Variants in ADCY3 observed in about 807,000 individuals in gnomAD.
The protein encoded by ADCY3 is adenylate cyclase type 3.
A neutral mutation model predicts 119.4 loss-of-function variants in ADCY3; 70 were observed. The ratio of observed to expected loss-of-function variants is 0.59; its 90% CI spans 0.48 to 0.72. The LOEUF is 0.72. Among genes scored for constraint, ADCY3 ranks in the 30% least tolerant of loss-of-function variants. ADCY3 has a pLI of 0.00. For synonymous variants in ADCY3, 672 were observed against 621.4 expected, an observed-to-expected ratio of 1.08 and a Z score of -1.21; for missense variants, 1,238 against 1,541.6, an observed-to-expected ratio of 0.80 and a Z score of 3.30.
Position 24,918,418 on chromosome 2 carries a change from G to A in ADCY3, c.570C>T (p.Ile190=), listed in dbSNP as rs74619519. 1.4e-5 allele frequency: 22 copies of A among 1,613,998 alleles called. No homozygotes were observed. The highest frequency in any genetic ancestry group is 4.5e-5 in the East Asian group (2 of 44,876). Reference sequence around the variant, plus strand: ...CACAGGAGACCACGGAGATGATCACGATGGGGCTGAGGCTGAGGGGCAGCG... The same window carrying A: ...CACAGGAGACCACGGAGATGATCACAATGGGGCTGAGGCTGAGGGGCAGCG... ...FITLPLSLSP[I]VIISVVSCVV... is the part of the protein sequence containing the mutation. Residue 190 remains isoleucine (I), a synonymous_variant, in exon 2 of 22, where the codon ATC becomes ATT. Coordinates refer to ENST00000679454, the MANE Select transcript of ADCY3 (RefSeq NM_004036.5). The surrounding 1 kb of genome is among the most constrained non-coding windows in gnomAD (Gnocchi z 5.4).
rs754364449 is a variant in ADCY3, at chr2:24,872,736, A to G, written c.676-17T>C. ...GGCCAGGATCTGCACCCCAAGGAAG[A>G]AGAGAGAAAAGGCCAGGGGTGAAGG... On this transcript the variant is annotated splice_polypyrimidine_tract_variant and intron_variant, in intron 2 of 21. Coordinates refer to ENST00000679454, the MANE Select transcript of ADCY3 (RefSeq NM_004036.5). The surrounding 1 kb of genome is among the most constrained non-coding windows in gnomAD (Gnocchi z 4.4). 1.6e-5 allele frequency: 25 copies of G among 1,610,918 alleles called. No individual in the cohort carries two copies. Among genetic ancestry groups the G allele is most frequent in the African/African-American group, 6.7e-5 (5 of 74,866 alleles).
Position 24,834,286 on chromosome 2 carries a change from G to A in ADCY3, c.1967+199C>T, listed in dbSNP as rs909809006. On this transcript the variant is annotated intron_variant, in intron 11 of 21. Coordinates refer to ENST00000679454, the MANE Select transcript of ADCY3 (RefSeq NM_004036.5). This position sits in a 1 kb window ranked among gnomAD's most constrained non-coding sequence, Gnocchi z 4.2. The stretch of plus-strand genomic sequence containing the variant: ...TCTGACGCTAGGACTGCTCCAAAAC[G>A]CGGGGCAGGGAAAAGGAAGGATGCC... 6.6e-6 allele frequency among the ~76,000 whole-genome samples: 1 copy of A among 152,190 alleles called. No homozygotes were observed. Among genetic ancestry groups the A allele is most frequent in the Non-Finnish European group, 1.5e-5 (1 of 68,024 alleles).
chr2:24,902,184 G>A (rs141265377), intron 2 of ADCY3, among the ~76,000 whole-genome samples: 2,175 of 150,916 alleles, frequency 0.014, 25 homozygotes, highest in Non-Finnish European at 0.02. Context: ...GGGCTCAAGC[G>A]ATCCTCCTGC....
rs571952188 is a variant in ADCY3 at position 24,884,561 on chromosome 2, C to T, written c.676-11842G>A. ...TGCAATCTCAGCTCACTGCAACCTCCGCCTCCCAGGTTCAAGCGATTCTTC... is the reference window on the plus strand; with the variant it reads ...TGCAATCTCAGCTCACTGCAACCTCTGCCTCCCAGGTTCAAGCGATTCTTC... On this transcript the variant is annotated intron_variant, in intron 2 of 21. Transcript: ENST00000679454. Among the ~76,000 whole-genome samples, 6 of 149,488 alleles carry T rather than the reference C, an allele frequency of 4.0e-5. No homozygotes were observed. In the East Asian group the frequency reaches 5.8e-4, roughly 15 times the overall value.
In ADCY3 at chr2:24,841,495, G is replaced by C; in HGVS notation, c.1068+61C>G. 1.3e-6 allele frequency: 2 copies of C among 1,592,186 alleles called. No individual in the cohort carries two copies. The highest frequency in any genetic ancestry group is 4.5e-5 in the East Asian group (2 of 44,370). On this transcript the variant is annotated intron_variant, in intron 5 of 21. Transcript: ENST00000679454. The surrounding 1 kb of genome is among the most constrained non-coding windows in gnomAD (Gnocchi z 5.8). ...AGAAAATCATGGGGCCGGGGATGGGGGCCAGGCAGAGGCCATGAGGGCAGG... is the reference window on the plus strand; with the variant it reads ...AGAAAATCATGGGGCCGGGGATGGGCGCCAGGCAGAGGCCATGAGGGCAGG...
Position 24,841,058 on chromosome 2 carries a change from G to C in ADCY3, c.1196+201C>G, listed in dbSNP as rs1425686424. On this transcript the variant is annotated intron_variant, in intron 6 of 21. Transcript: ENST00000679454. The surrounding 1 kb of genome is among the most constrained non-coding windows in gnomAD (Gnocchi z 5.8). Reference sequence around the variant, plus strand: ...GCTGGGGGAGCCTCGCAGGTCCCCTGGGCTGTGAGGAAGGTAAGCCACATC... The same window carrying C: ...GCTGGGGGAGCCTCGCAGGTCCCCTCGGCTGTGAGGAAGGTAAGCCACATC... 6.6e-6 allele frequency among the ~76,000 whole-genome samples: 1 copy of C among 152,246 alleles called. No individual in the cohort carries two copies. The highest frequency in any genetic ancestry group is 1.5e-5 in the Non-Finnish European group (1 of 68,038).
At chr2:24,820,275 G>T in intron 21 of ADCY3, 161 bp from the exon 22 acceptor site, 2 of 1,218,544 alleles carry the variant, frequency 1.6e-6, no homozygotes, top group Non-Finnish European at 1.1e-6. Context: ...CACCCGTGGC[G>T]AGCAGCGGGT....
intron 2 of ADCY3, among the ~76,000 whole-genome samples, chr2:24,910,576 G>C (rs946250841): frequency 9.9e-5 from 15 of 151,716 alleles, no homozygotes; most frequent in African/African-American, 3.1e-4. Context: ...TCAAACTTGT[G>C]TTATCCATTC....
intron 7 of ADCY3, among the ~76,000 whole-genome samples, chr2:24,839,355 TCC>T (rs1057257960): frequency 6.6e-6 from 1 of 152,202 alleles, no homozygotes; most frequent in African/African-American, 2.4e-5. Context: ...TGAAGGAAGC[TCC>T]CTGGCCCAGA....
At chr2:24,868,146 G>A (rs997402174) in intron 3 of ADCY3, among the ~76,000 whole-genome samples, 1 of 152,056 alleles carries the variant, frequency 6.6e-6, no homozygotes, top group African/African-American at 2.4e-5. Context: ...CCAGAATAAA[G>A]ATAAAAAACA....
rs779219219 is a variant in ADCY3, at chr2:24,839,920, C to T, written c.1308G>A (p.Ser436=). The T allele has an allele frequency of 2.5e-5, 41 of 1,613,722 alleles. No homozygotes were observed. The highest frequency in any genetic ancestry group is 5.3e-5 in the African/African-American group (4 of 74,938). ...TCTTGTTGGCTACAGTGACATCAGT[C>T]GACCACACGTCGTACTGCCAGCGCT... The part of the protein sequence containing the change: ...GQKRWQYDVW[S]TDVTVANKME... The change falls in exon 7 of 22, where the codon TCG becomes TCA. Residue 436 remains serine (S), a synonymous_variant. Transcript: ENST00000679454.
chr2:24,868,852 TA>T (rs35609705), intron 3 of ADCY3, among the ~76,000 whole-genome samples: 127 of 144,228 alleles, frequency 8.8e-4, no homozygotes, highest in Admixed American at 1.5e-3. Flanking sequence ...CCACCTCTAC[TA>T]AAAAAAAAAA....
chr2:24,834,426 C>A lies in ADCY3; in HGVS notation c.1967+59G>T. 2 of 1,055,278 alleles carry A rather than the reference C, an allele frequency of 1.9e-6. No homozygotes were observed. The highest frequency in any genetic ancestry group is 1.4e-5 in the South Asian group (1 of 71,674). 65.4% of individuals were successfully genotyped at this position (1,055,278 alleles called of 1,614,324 possible). A position where few individuals can be genotyped will look rare whatever the true frequency, so the allele number is the denominator to read the frequency against. ...TCCCGCTGAGACACCTGCCCCCGCC[C>A]CCCGCCCGGCACCACCGCAGCCGAG... is the stretch of plus-strand genomic sequence containing the variant. On this transcript the variant is annotated intron_variant, in intron 11 of 21. Coordinates refer to ENST00000679454, the MANE Select transcript of ADCY3 (RefSeq NM_004036.5). This position sits in a 1 kb window ranked among gnomAD's most constrained non-coding sequence, Gnocchi z 4.2.
chr2:24,870,651 T>C (rs1186784201), intron 3 of ADCY3, among the ~76,000 whole-genome samples: 1 of 152,172 alleles, frequency 6.6e-6, no homozygotes, highest in Non-Finnish European at 1.5e-5. Flanking sequence ...GGCAGGCTGC[T>C]AGCACCCTCA....
intron 2 of ADCY3, among the ~76,000 whole-genome samples, chr2:24,913,459 T>A (rs1664051538): frequency 6.6e-6 from 1 of 152,208 alleles, no homozygotes; most frequent in Non-Finnish European, 1.5e-5. Context: ...CCCAGATGCC[T>A]GGGTTCCAGA....
intron 8 of ADCY3, 101 bp downstream of exon 8, chr2:24,838,344 C>G: frequency 7.9e-7 from 1 of 1,262,866 alleles, no homozygotes; most frequent in Non-Finnish European, 1.1e-6. Flanking sequence ...ACTGCTGGGT[C>G]CTGCCACCTC....
intron 3 of ADCY3, among the ~76,000 whole-genome samples, chr2:24,847,687 G>A (rs577893461): frequency 3.9e-5 from 6 of 152,304 alleles, no homozygotes; most frequent in South Asian, 2.1e-4. Flanking sequence ...GACCCGTCTC[G>A]GAACCTAACT....
intron 17 of ADCY3, among the ~76,000 whole-genome samples, 168 bp downstream of exon 17, chr2:24,824,210 C>T (rs190424150): frequency 7.9e-5 from 12 of 152,346 alleles, no homozygotes; most frequent in African/African-American, 2.6e-4. Flanking sequence ...TATAAGAGGC[C>T]GGAGAAATTC....
intron 7 of ADCY3, chr2:24,838,866 T>G (rs770368903): frequency 6.2e-7 from 1 of 1,604,010 alleles, no homozygotes; most frequent in Non-Finnish European, 8.5e-7. Context: ...AGCCTCAGTG[T>G]TGGAGCCACG....
Sources: allele counts gnomAD v4.1 joint callset (sites outside exome capture counted in the v4.1 genomes callset), GRCh38; gene constraint gnomAD v4.1.1; non-coding constraint Gnocchi (gnomAD v3.1); transcripts MANE v1.5; gene names NCBI Gene and HGNC (gene_info 2026-07-23, HGNC 2026-07-21).